The following LRRC37A2 variants were observed in gnomAD, a reference collection of about 807,000 sequenced individuals.
LRRC37A2 encodes the protein leucine-rich repeat-containing protein 37A2.
Under a neutral mutation model 68.8 loss-of-function variants are expected in LRRC37A2, and 9 were observed. The observed-to-expected ratio is 0.13, with a 90% CI of 0.08 to 0.23. The LOEUF is 0.23. Among genes scored for constraint, LRRC37A2 ranks in the 10% least tolerant of loss-of-function variants. The probability of loss-of-function intolerance (pLI) is 1.00; values close to 1 mark genes in which losing one functional copy is unlikely to be tolerated. For synonymous variants in LRRC37A2, 63 were observed against 367.6 expected (o/e 0.17, Z 9.48); for missense variants, 168 against 950.4 (o/e 0.18, Z 10.82).
At chr17:46,939,072 TGCCCTGGGAAGGTGTCCACAGTGA>T in the LRRC37A2 span, 2 of 1,135,648 alleles carry the variant, frequency 1.8e-6, no homozygotes, top group Non-Finnish European at 2.3e-6. Context: ...AGCTGATGCG[TGCCCTGGGAAGGTGTCCACAGTGA>T]GCCCTGTGTG....
the LRRC37A2 span, chr17:47,022,015 A>C: frequency 2.6e-6 from 3 of 1,162,964 alleles, no homozygotes; most frequent in African/African-American, 4.6e-5. Flanking sequence ...CTGAGGAAAG[A>C]TATTTCTCCT....
the LRRC37A2 span, among the ~76,000 whole-genome samples, chr17:47,046,273 G>A: frequency 7.8e-6 from 1 of 127,822 alleles, no homozygotes; most frequent in Non-Finnish European, 1.7e-5. Flanking sequence ...GAGCCCAGGG[G>A]GGTTGAGGCT....
At chr17:46,846,689 T>TA in the LRRC37A2 span, among the ~76,000 whole-genome samples, 76 of 152,304 alleles carry the variant, frequency 5.0e-4, no homozygotes, top group African/African-American at 1.8e-3. Flanking sequence ...TGCTGCTGGA[T>TA]AAAGGGCTGG....
At chr17:46,940,068 C>T in the LRRC37A2 span, 1 of 1,088,540 alleles carries the variant, frequency 9.2e-7, no homozygotes, top group Non-Finnish European at 1.1e-6. Flanking sequence ...TTTCTTGTTG[C>T]TTGAACTGTC....
chr17:46,466,660 TTATC>T, the LRRC37A2 span, among the ~76,000 whole-genome samples: 8 of 82,808 alleles, frequency 9.7e-5, 3 homozygotes, highest in African/African-American at 4.3e-4. Context: ...CACGTTTTCT[TTATC>T]TAGTCTATCG....
the LRRC37A2 span, among the ~76,000 whole-genome samples, chr17:46,880,115 AGT>A: frequency 6.6e-6 from 1 of 152,200 alleles, no homozygotes; most frequent in East Asian, 1.9e-4. Flanking sequence ...AGGCAGCTAG[AGT>A]GAGGGAGTCT....
intron 8 of LRRC37A2, among the ~76,000 whole-genome samples, chr17:46,544,650 C>G (rs1390611688): frequency 1.4e-5 from 1 of 71,380 alleles, no homozygotes; most frequent in African/African-American, 8.9e-5. Flanking sequence ...GCTATGGAAT[C>G]TGTATTCTTA....
chr17:46,501,306 G>C, the LRRC37A2 span, among the ~76,000 whole-genome samples: 1 of 151,090 alleles, frequency 6.6e-6, no homozygotes, highest in South Asian at 2.1e-4. Flanking sequence ...CTCCTGAGTA[G>C]CTGGGACCAC....
the LRRC37A2 span, among the ~76,000 whole-genome samples, chr17:46,781,380 G>A: frequency 8.0e-3 from 1,209 of 150,486 alleles, 4 homozygotes; most frequent in Non-Finnish European, 0.012. Flanking sequence ...GTAAAGACAC[G>A]CCAGCTTAGG....
chr17:46,490,279 A>G, the LRRC37A2 span, among the ~76,000 whole-genome samples: 1 of 151,264 alleles, frequency 6.6e-6, no homozygotes, highest in Non-Finnish European at 1.5e-5. Flanking sequence ...TGTTCCAATA[A>G]AACTTTATTT....
chr17:46,500,242 TC>T, the LRRC37A2 span, among the ~76,000 whole-genome samples: 1 of 144,534 alleles, frequency 6.9e-6, no homozygotes. Context: ...AGCTTCAGCT[TC>T]CGTTTGCATC....
the LRRC37A2 span, chr17:46,728,785 A>AG: frequency 2.6e-6 from 3 of 1,150,412 alleles, no homozygotes; most frequent in East Asian, 7.4e-5. Flanking sequence ...AAAAAAAAAA[A>AG]CAAAAACTGA....
At chr17:46,979,147 T>G in the LRRC37A2 span, 1 of 930,594 alleles carries the variant, frequency 1.1e-6, no homozygotes, top group Non-Finnish European at 1.4e-6. Context: ...GGAGGCTGGC[T>G]GCCTGCGCGC....
At chr17:47,010,125 G>A in the LRRC37A2 span, among the ~76,000 whole-genome samples, 2 of 152,200 alleles carry the variant, frequency 1.3e-5, no homozygotes, top group African/African-American at 4.8e-5. Flanking sequence ...GGGGAAGGGT[G>A]AGTCTGGGTC....
chr17:46,990,609 T>C, the LRRC37A2 span, among the ~76,000 whole-genome samples: 1 of 152,192 alleles, frequency 6.6e-6, no homozygotes, highest in East Asian at 1.9e-4. Flanking sequence ...TCACACTCAT[T>C]TGAGTATTAG....
At chr17:46,990,834 C>G in the LRRC37A2 span, among the ~76,000 whole-genome samples, 12 of 152,146 alleles carry the variant, frequency 7.9e-5, no homozygotes, top group African/African-American at 2.9e-4. Flanking sequence ...CCACACCCAG[C>G]TAATTTTCAT....
the LRRC37A2 span, among the ~76,000 whole-genome samples, chr17:46,823,063 ATAATAAATATGTATT>A: frequency 7.2e-6 from 1 of 139,146 alleles, no homozygotes; most frequent in Non-Finnish European, 1.5e-5. Context: ...ATATGTATTT[ATAATAAATATGTATT>A]TATAATAAAT....
At chr17:46,810,534 A>G in the LRRC37A2 span, among the ~76,000 whole-genome samples, 2 of 152,320 alleles carry the variant, frequency 1.3e-5, no homozygotes, top group South Asian at 2.1e-4. Context: ...CGGCCCTGCA[A>G]GCAGGCAGGG....
the LRRC37A2 span, chr17:46,768,875 C>A: frequency 6.4e-7 from 1 of 1,563,828 alleles, no homozygotes; most frequent in Non-Finnish European, 8.6e-7. This position sits in a 1 kb window ranked among gnomAD's most constrained non-coding sequence, Gnocchi z 5.0. Context: ...CTCTCTGCCA[C>A]TGCCCACCCC....
Sources: allele counts gnomAD v4.1 joint callset (sites outside exome capture counted in the v4.1 genomes callset), GRCh38; gene constraint gnomAD v4.1.1; non-coding constraint Gnocchi (gnomAD v3.1); transcripts MANE v1.5; gene names NCBI Gene and HGNC (gene_info 2026-07-23, HGNC 2026-07-21).